The following SOAT2 variants were observed in gnomAD, a reference collection of about 807,000 sequenced individuals.
SOAT2 encodes ACAT-2.
A neutral mutation model predicts 76.0 loss-of-function variants in SOAT2; 87 were observed. The observed-to-expected ratio is 1.14, with a 90% CI of 0.96 to 1.37. The LOEUF (loss-of-function observed/expected upper bound fraction) is 1.37, where lower values mean the gene tolerates loss of function less well. Among genes scored for constraint, SOAT2 ranks in the 40% most tolerant of loss-of-function variants. The probability of loss-of-function intolerance (pLI) is 0.00; values close to 1 mark genes in which losing one functional copy is unlikely to be tolerated. For missense variants in SOAT2, 686 were observed against 682.1 expected, an observed-to-expected ratio of 1.01 and a Z score of -0.06; for synonymous variants, 285 against 275.4, an observed-to-expected ratio of 1.03 and a Z score of -0.34.
At chr12:53,118,282 C>G in intron 7 of SOAT2, 68 bp from the exon 8 acceptor site, 1 of 924,388 alleles carries the variant, frequency 1.1e-6, no homozygotes, top group Non-Finnish European at 1.8e-6. Flanking sequence ...CCACCCTTCC[C>G]CAGCAGCCCC....
intron 5 of SOAT2, among the ~76,000 whole-genome samples, chr12:53,108,478 G>GA (rs1158651544): frequency 6.6e-6 from 1 of 152,144 alleles, no homozygotes; most frequent in Non-Finnish European, 1.5e-5. Context: ...CCAAATTCTG[G>GA]AGAAATCAGG....
chr12:53,122,621 A>C (rs1176785013), intron 12 of SOAT2, among the ~76,000 whole-genome samples: 2 of 151,940 alleles, frequency 1.3e-5, no homozygotes, highest in East Asian at 1.9e-4. Flanking sequence ...TGGACACAGC[A>C]CATGTTTCAG....
At chr12:53,123,487 G>A (rs1299470842) in intron 13 of SOAT2, among the ~76,000 whole-genome samples, 1 of 152,182 alleles carries the variant, frequency 6.6e-6, no homozygotes. Flanking sequence ...AAGACAAAGA[G>A]GAGGAAACTG....
chr12:53,119,588 C>T (rs1208943172), intron 10 of SOAT2, among the ~76,000 whole-genome samples: 1 of 149,812 alleles, frequency 6.7e-6, no homozygotes, highest in African/African-American at 2.5e-5. Flanking sequence ...ACTTTTGGAT[C>T]AGATATGAAC....
chr12:53,121,374 C>CAGCT lies in SOAT2; in HGVS notation c.1211_1214dup (p.Tyr405Ter). On this transcript the variant is annotated frameshift_variant, in exon 12 of 15. Coordinates refer to ENST00000301466, the MANE Select transcript of SOAT2 (RefSeq NM_003578.4). LOFTEE classifies it high-confidence loss of function. Reference sequence around the variant, plus strand: ...ACGTGGTGGTCCATGACTGGCTGTACAGCTACGTGTATCAGGATGGGCTGC... The same window carrying CAGCT: ...ACGTGGTGGTCCATGACTGGCTGTACAGCTAGCTACGTGTATCAGGATGGGCTGC... 2 of 1,614,132 alleles carry CAGCT rather than the reference C, an allele frequency of 1.2e-6. No individual in the cohort carries two copies. Among genetic ancestry groups the CAGCT allele is most frequent in the Non-Finnish European group, 1.7e-6 (2 of 1,179,972 alleles).
At chr12:53,105,503 T>C in intron 3 of SOAT2, 58 bp from the exon 4 acceptor site, 1 of 1,519,288 alleles carries the variant, frequency 6.6e-7, no homozygotes, top group Non-Finnish European at 9.1e-7. Context: ...ACCTTCTGCA[T>C]GGCCCTGCCC....
rs770300818 is a variant in SOAT2 at position 53,124,097 on chromosome 12, C to T, written c.1543C>T (p.Pro515Ser). 32 of 1,614,200 alleles carry T rather than the reference C, an allele frequency of 2.0e-5. No individual in the cohort carries two copies. Among genetic ancestry groups the T allele is most frequent in the Non-Finnish European group, 2.6e-5 (31 of 1,180,028 alleles). The change falls in exon 15 of 15, where the codon CCT becomes TCT. Residue 515 changes from proline (P) to serine (S), a missense_variant. Pro to Ser is a moderately conservative substitution (Grantham distance 74). Transcript: ENST00000301466. Reference sequence around the variant, plus strand: ...GGCAACTTTCTGGGGGCTGGTGACACCTCGATCTTGGTCCTGCCATACCTA... The same window carrying T: ...GGCAACTTTCTGGGGGCTGGTGACATCTCGATCTTGGTCCTGCCATACCTA... Reference protein sequence around the residue: ...PQATFWGLVTPRSWSCHT With the variant: ...PQATFWGLVTSRSWSCHT
At chr12:53,118,475 A>G in intron 8 of SOAT2, 41 bp downstream of exon 8, 1 of 1,480,972 alleles carries the variant, frequency 6.8e-7, no homozygotes, top group Non-Finnish European at 9.4e-7. Context: ...CAGGCCCATC[A>G]GGAAACTTAC....
chr12:53,117,328 C>G (rs1008901797), intron 7 of SOAT2, among the ~76,000 whole-genome samples: 2 of 140,192 alleles, frequency 1.4e-5, no homozygotes, highest in Non-Finnish European at 3.0e-5. Flanking sequence ...TGGTCTTGAA[C>G]TCCTGGGCTT....
chr12:53,115,151 C>T (rs1369880124), intron 5 of SOAT2, among the ~76,000 whole-genome samples: 1 of 152,198 alleles, frequency 6.6e-6, no homozygotes, highest in Non-Finnish European at 1.5e-5. Flanking sequence ...TGAGCCCTTA[C>T]CAACACCATG....
Position 53,122,446 on chromosome 12 carries a change from G to A in SOAT2, c.1237-635G>A, listed in dbSNP as rs940263471. 4.3e-5 allele frequency among the ~76,000 whole-genome samples: 6 copies of A among 140,420 alleles called. 1 individual carries two copies. Among genetic ancestry groups the A allele is most frequent in the South Asian group, 2.1e-4 (1 of 4,662 alleles). 92.1% of individuals were successfully genotyped at this position (140,420 alleles called of 152,430 possible). A position where few individuals can be genotyped will look rare whatever the true frequency, so the allele number is the denominator to read the frequency against. On this transcript the variant is annotated intron_variant, in intron 12 of 14. Transcript: ENST00000301466. ...GAAGGTCAGCAGATAAGTGAACAAA[G>A]GTCTCTGGTTTTCCTAGGCAGAGGA...
At chr12:53,104,380 C>T (rs1222188789) in intron 2 of SOAT2, among the ~76,000 whole-genome samples, 174 bp downstream of exon 2, 1 of 151,762 alleles carries the variant, frequency 6.6e-6, no homozygotes, top group Non-Finnish European at 1.5e-5. Context: ...CAACCTCTGC[C>T]TCCCAGGTTC....
At position 53,105,366 on chromosome 12, in the gene SOAT2, T is replaced by G. The variant is rs1432314524; in HGVS notation, c.275+123T>G. 3 of 1,331,186 alleles carry G rather than the reference T, an allele frequency of 2.3e-6. No homozygotes were observed. The African/African-American group carries it at 4.4e-5, about 19-fold the overall frequency. The allele number at this position is 1,331,186 out of a possible 1,614,324, so 82.5% of individuals were successfully genotyped here. ...ACTCCAGCCTTCCCTCTTCCCCCCT[T>G]GTCTTCCTAACACTGACCTCCATCT... On this transcript the variant is annotated intron_variant, in intron 3 of 14. Coordinates refer to ENST00000301466, the MANE Select transcript of SOAT2 (RefSeq NM_003578.4).
At chr12:53,111,808 A>G (rs1938015965) in intron 5 of SOAT2, among the ~76,000 whole-genome samples, 1 of 152,246 alleles carries the variant, frequency 6.6e-6, no homozygotes, top group Non-Finnish European at 1.5e-5. Flanking sequence ...ATAAACTTGA[A>G]AAAGCATTTG....
chr12:53,124,534 C>T lies in SOAT2; in HGVS notation c.*411C>T, dbSNP rs966181707. The T allele has an allele frequency of 7.2e-6, 1 of 138,200 alleles. No homozygotes were observed. Among genetic ancestry groups the T allele is most frequent in the Non-Finnish European group, 1.4e-5 (1 of 72,266 alleles). The allele number at this position is 138,200 out of a possible 1,614,324, so 8.6% of individuals were successfully genotyped here. On this transcript the variant is annotated 3_prime_UTR_variant, in exon 15 of 15. Transcript: ENST00000301466. ...AATAAACTTTGTCTCCCTTTTTATT[C>T]ATTCATTCATTCATTCATTCATTCA...
At chr12:53,103,733 A>T (rs954894873) in intron 1 of SOAT2, 74 bp downstream of exon 1, 1 of 1,202,400 alleles carries the variant, frequency 8.3e-7, no homozygotes, top group African/African-American at 1.5e-5. Flanking sequence ...TATGGAGAGA[A>T]GGCTCCAACT....
intron 7 of SOAT2, among the ~76,000 whole-genome samples, chr12:53,117,751 G>A (rs989150901): frequency 6.6e-6 from 1 of 152,064 alleles, no homozygotes; most frequent in African/African-American, 2.4e-5. Context: ...CAATGCCACC[G>A]GCAGCTGCCA....
chr12:53,118,357 G>C lies in SOAT2; in HGVS notation c.786G>C (p.Gly262=), dbSNP rs773459484. ...PGTLRARRGE[G]IQAPSFSSYL... is the part of the protein sequence containing the mutation. ...CCTCTCATTCCTCCCCAGGTGAGGG[G>C]ATCCAGGCCCCCAGTTTCTCCAGCT... Residue 262 remains glycine, a synonymous_variant, in exon 8 of 15, where the codon GGG becomes GGC. Transcript: ENST00000301466. 3.7e-6 allele frequency: 6 copies of C among 1,612,840 alleles called. No individual in the cohort carries two copies. In the African/African-American group the frequency reaches 5.4e-5, roughly 14 times the overall value.
intron 10 of SOAT2, among the ~76,000 whole-genome samples, chr12:53,120,481 T>TA (rs1289677563): frequency 6.6e-6 from 1 of 150,960 alleles, no homozygotes; most frequent in Non-Finnish European, 1.5e-5. Flanking sequence ...ATAATAATAA[T>TA]AAAAAAAATT....
Sources: allele counts gnomAD v4.1 joint callset (sites outside exome capture counted in the v4.1 genomes callset), GRCh38; gene constraint gnomAD v4.1.1; transcripts MANE v1.5; gene names NCBI Gene and HGNC (gene_info 2026-07-23, HGNC 2026-07-21).